The following SLC7A13 variants were observed in gnomAD, a reference collection of about 807,000 sequenced individuals.
The protein encoded by SLC7A13 is solute carrier family 7 member 13, also known as X-amino acid transporter 2.
Under a neutral mutation model 32.0 loss-of-function variants are expected in SLC7A13, and 31 were observed. The observed-to-expected ratio is 0.97, with a 90% CI of 0.73 to 1.31. The LOEUF (loss-of-function observed/expected upper bound fraction) is 1.31. Ranked by LOEUF, SLC7A13 falls within the 50% of genes most tolerant of loss-of-function variation. The pLI, the probability that SLC7A13 is intolerant of heterozygous loss-of-function variation, is 0.00. For missense variants in SLC7A13, 633 were observed against 546.9 expected, an observed-to-expected ratio of 1.16 and a Z score of -1.57; for synonymous variants, 232 against 206.9, an observed-to-expected ratio of 1.12 and a Z score of -1.04.
Position 86,214,328 on chromosome 8 carries a change from GT to G in SLC7A13, c.*84del. 1.3e-6 allele frequency: 1 copy of G among 750,030 alleles called. No homozygotes were observed. The highest frequency in any genetic ancestry group is 2.1e-6 in the Non-Finnish European group (1 of 469,942). 46.5% of individuals were successfully genotyped at this position (750,030 alleles called of 1,614,324 possible). On this transcript the variant is annotated 3_prime_UTR_variant, in exon 4 of 4. Transcript: ENST00000297524. ...TTACCATAGGAATTTCACCATGAAT[GT>G]TCTATCATATGTTTAACCTTGATTT...
In SLC7A13 at chr8:86,214,385, AT is replaced by A. The variant is rs1378209799; in HGVS notation, c.*27del. 2 of 1,461,680 alleles carry A rather than the reference AT, an allele frequency of 1.4e-6. No homozygotes were observed. The highest frequency in any genetic ancestry group is 1.9e-6 in the Non-Finnish European group (2 of 1,070,814). 90.5% of individuals were successfully genotyped at this position (1,461,680 alleles called of 1,614,324 possible). On this transcript the variant is annotated 3_prime_UTR_variant, in exon 4 of 4. Coordinates refer to ENST00000297524, the MANE Select transcript of SLC7A13 (RefSeq NM_138817.3). ...CTGATATATGTTTTTTAGAAGGCCA[AT>A]TTTTTAAGAGTTTGCACTTCCGACA...
intron 3 of SLC7A13, among the ~76,000 whole-genome samples, 175 bp from the exon 4 acceptor site, chr8:86,214,821 A>T (rs1420780405): frequency 2.0e-5 from 3 of 152,180 alleles, no homozygotes; most frequent in Non-Finnish European, 4.4e-5. Flanking sequence ...GTGAAAGGAG[A>T]TGTTGAAGAC....
intron 1 of SLC7A13, among the ~76,000 whole-genome samples, chr8:86,225,972 T>G (rs1820384285): frequency 1.3e-5 from 2 of 152,070 alleles, no homozygotes; most frequent in African/African-American, 4.8e-5. Flanking sequence ...AAGTCGCCTG[T>G]CTACAAGTCA....
Position 86,229,925 on chromosome 8 carries a change from T to C in SLC7A13, c.353A>G (p.Tyr118Cys). 6.2e-7 allele frequency: 1 copy of C among 1,614,200 alleles called. No individual in the cohort carries two copies. Among genetic ancestry groups the C allele is most frequent in the Non-Finnish European group, 8.5e-7 (1 of 1,180,036 alleles). ...GCTGGGAAAAAAAGGCTGGATGCTG[T>C]ACTCAGCAAGGAGCAGAGCTTGGCC... ...VAGQALLLAE[Y>C]SIQPFFPSCS... The change falls in exon 1 of 4, where the codon TAC becomes TGC. Residue 118 changes from tyrosine to cysteine, a missense_variant. Tyr to Cys is a radical substitution (Grantham distance 194). Transcript: ENST00000297524.
rs572819592 is a variant in SLC7A13, at chr8:86,217,758, G to C, written c.891C>G (p.Thr297=). The C allele has an allele frequency of 6.2e-7, 1 of 1,612,806 alleles. No individual in the cohort carries two copies. The highest frequency in any genetic ancestry group is 2.2e-5 in the East Asian group (1 of 44,836). The change falls in exon 3 of 4, where the codon ACC becomes ACG. Residue 297 remains threonine (T), a synonymous_variant. Coordinates refer to ENST00000297524, the MANE Select transcript of SLC7A13 (RefSeq NM_138817.3). The stretch of plus-strand genomic sequence containing the variant: ...AAATCAGAAGGTTGCTAAATAATGA[G>C]GTAGAAATAGCAAAAGGCATAATCC... ...LAWIMPFAIS[T]SLFSNLLISI... is the part of the protein sequence containing the mutation.
intron 1 of SLC7A13, among the ~76,000 whole-genome samples, chr8:86,223,451 G>C (rs1416803907): frequency 1.3e-5 from 2 of 152,040 alleles, no homozygotes; most frequent in African/African-American, 4.8e-5. Context: ...ATTTCACTTA[G>C]GATGATGGTC....
chr8:86,220,410 G>T (rs904928624), intron 2 of SLC7A13, among the ~76,000 whole-genome samples: 1 of 152,016 alleles, frequency 6.6e-6, no homozygotes, highest in African/African-American at 2.4e-5. Context: ...CATAATAAAG[G>T]CTATTTTATT....
At chr8:86,227,394 A>C (rs1322570126) in intron 1 of SLC7A13, among the ~76,000 whole-genome samples, 3 of 152,216 alleles carry the variant, frequency 2.0e-5, no homozygotes, top group African/African-American at 7.2e-5. Flanking sequence ...GGGAGGGAAA[A>C]GATAAAGAAT....
intron 1 of SLC7A13, among the ~76,000 whole-genome samples, chr8:86,224,331 CCCTT>C (rs1173222979): frequency 6.6e-6 from 1 of 152,072 alleles, no homozygotes; most frequent in Non-Finnish European, 1.5e-5. Context: ...GTTGACCCTA[CCCTT>C]CCTTCAGATC....
rs141509226 is a variant in SLC7A13 at position 86,215,828 on chromosome 8, C to T, written c.1180-1182G>A. Reference sequence around the variant, plus strand: ...AGAAAAGAGCACTCCTGGGGGCATACAAGACAAATTTCAGCCACTTGTACT... The same window carrying T: ...AGAAAAGAGCACTCCTGGGGGCATATAAGACAAATTTCAGCCACTTGTACT... On this transcript the variant is annotated intron_variant, in intron 3 of 3. Transcript: ENST00000297524. 7.1e-4 allele frequency: 171 copies of T among 242,040 alleles called. 1 individual carries two copies. The highest frequency in any genetic ancestry group is 3.7e-3 in the African/African-American group (156 of 42,360). 15.0% of individuals were successfully genotyped at this position (242,040 alleles called of 1,614,324 possible). A position where few individuals can be genotyped will look rare whatever the true frequency, so the allele number is the denominator to read the frequency against.
intron 3 of SLC7A13, among the ~76,000 whole-genome samples, chr8:86,216,379 A>G (rs1247169673): frequency 6.6e-6 from 1 of 152,150 alleles, no homozygotes; most frequent in East Asian, 1.9e-4. Context: ...CAATCGTCAC[A>G]CCGTGATTTT....
intron 3 of SLC7A13, among the ~76,000 whole-genome samples, chr8:86,215,981 T>A (rs1251297995): frequency 1.3e-5 from 2 of 152,114 alleles, no homozygotes; most frequent in Non-Finnish European, 2.9e-5. Flanking sequence ...CCAACGTTAA[T>A]ATGAGGTAGG....
At position 86,229,849 on chromosome 8, in the gene SLC7A13, C is replaced by A. The variant is rs777049284; in HGVS notation, c.429G>T (p.Trp143Cys). Residue 143 changes from tryptophan (W) to cysteine (C), a missense_variant, in exon 1 of 4, where the codon TGG (tryptophan) becomes TGT (cysteine). Physicochemically the swap from Trp to Cys is radical, Grantham distance 215 (BLOSUM62 -2). Transcript: ENST00000297524. ...CACGAGAAGTCAGAATTCCTACAAT[C>A]CACAACATGGCCAATGCCAGACATT... ...PKKCLALAMLWIVGILTSRGV... is the reference protein window; with the variant it reads ...PKKCLALAMLCIVGILTSRGV... The A allele has an allele frequency of 1.2e-6, 2 of 1,614,074 alleles. No homozygotes were observed. The highest frequency in any genetic ancestry group is 2.7e-5 in the African/African-American group (2 of 74,942).
intron 1 of SLC7A13, among the ~76,000 whole-genome samples, chr8:86,228,846 C>CAAA (rs756084961): frequency 1.1e-3 from 147 of 138,524 alleles, no homozygotes; most frequent in African/African-American, 3.7e-3. Flanking sequence ...AACTCTGTCT[C>CAAA]AAAAAAAAAA....
intron 2 of SLC7A13, 62 bp from the exon 3 acceptor site, chr8:86,217,893 C>A (rs1252895439): frequency 4.9e-6 from 7 of 1,432,594 alleles, no homozygotes; most frequent in Non-Finnish European, 5.6e-6. Flanking sequence ...AATGATAAAC[C>A]TTTTAATATT....
At chr8:86,222,254 G>A (rs1005119788) in intron 2 of SLC7A13, among the ~76,000 whole-genome samples, 2 of 152,172 alleles carry the variant, frequency 1.3e-5, no homozygotes, top group Admixed American at 1.3e-4. Context: ...GGTTTATCTT[G>A]TGAGGTCGTT....
chr8:86,219,207 C>T (rs1820246357), intron 2 of SLC7A13, among the ~76,000 whole-genome samples: 1 of 152,168 alleles, frequency 6.6e-6, no homozygotes, highest in South Asian at 2.1e-4. Context: ...ACAAATTTCA[C>T]ATCTTCAGTC....
chr8:86,216,631 A>G (rs1820186623), intron 3 of SLC7A13, among the ~76,000 whole-genome samples: 1 of 152,190 alleles, frequency 6.6e-6, no homozygotes, highest in African/African-American at 2.4e-5. Flanking sequence ...TTCTCTCAGC[A>G]GTTCTTTCTT....
In SLC7A13 at chr8:86,220,762, G is replaced by C. The variant is rs76344021; in HGVS notation, c.817+2210C>G. Among the ~76,000 whole-genome samples the C allele has an allele frequency of 8.5e-3, 1,288 of 152,116 alleles. 21 individuals carry two copies. Among genetic ancestry groups the C allele is most frequent in the African/African-American group, 0.03 (1,246 of 41,512 alleles). On this transcript the variant is annotated intron_variant, in intron 2 of 3. Transcript: ENST00000297524. Reference sequence around the variant, plus strand: ...CTCACGTCTGTAACCCCAGCACTTTGAGAGGCCAAGAGGGAGAATCAGTTG... The same window carrying C: ...CTCACGTCTGTAACCCCAGCACTTTCAGAGGCCAAGAGGGAGAATCAGTTG...
Sources: gnomAD v4.1 joint callset for allele counts (sites outside exome capture counted in the v4.1 genomes callset) on GRCh38, gnomAD v4.1.1 for gene constraint, MANE v1.5 for transcripts, NCBI Gene and HGNC (gene_info 2026-07-23, HGNC 2026-07-21) for gene names.